HYDIN: variants seen among roughly 807,000 people sequenced by gnomAD.
HYDIN encodes HYDIN axonemal central pair apparatus protein.
Under a neutral mutation model 403.9 loss-of-function variants are expected in HYDIN, and 132 were observed. The observed-to-expected ratio is 0.33, with a 90% CI of 0.28 to 0.38. The LOEUF (loss-of-function observed/expected upper bound fraction) is 0.38, where lower values mean the gene tolerates loss of function less well. HYDIN is among the 10% of genes least tolerant of loss of function. The pLI is 1.00. For synonymous variants in HYDIN, 1,202 were observed against 1,891.7 expected, an observed-to-expected ratio of 0.64 and a Z score of 9.46; for missense variants, 2,827 against 5,009.5, an observed-to-expected ratio of 0.56 and a Z score of 13.15.
rs78028641 is a variant in HYDIN, at chr16:71,182,092, C to G, written c.261+2773G>C. On this transcript the variant is annotated intron_variant, in intron 3 of 85. Transcript: ENST00000393567. ...TGCAAAGTCCTTCAGGTGGAAATTACCTTTGAGTGTCTGAAGAGCAGCATA... is the reference window on the plus strand; with the variant it reads ...TGCAAAGTCCTTCAGGTGGAAATTAGCTTTGAGTGTCTGAAGAGCAGCATA... Among the ~76,000 whole-genome samples the G allele has an allele frequency of 8.5e-3, 1,287 of 152,142 alleles. 17 individuals carry two copies. The highest frequency in any genetic ancestry group is 0.029 in the African/African-American group (1,222 of 41,500).
intron 12 of HYDIN, chr16:71,087,890 T>C (rs1261864950): frequency 1.3e-5 from 2 of 155,852 alleles, no homozygotes; most frequent in Admixed American, 6.4e-5. Flanking sequence ...AGTGAGATCA[T>C]GTAAGTAATT....
chr16:71,070,940 A>T (rs549377654), intron 13 of HYDIN, among the ~76,000 whole-genome samples: 58 of 151,716 alleles, frequency 3.8e-4, no homozygotes, highest in African/African-American at 1.4e-3. Context: ...TACTTGGAAG[A>T]TATCTTTCAT....
chr16:70,956,202 T>C (rs540351301), intron 39 of HYDIN, among the ~76,000 whole-genome samples: 9 of 152,020 alleles, frequency 5.9e-5, no homozygotes, highest in African/African-American at 2.2e-4. Flanking sequence ...GAAAACTTTT[T>C]ATTTTAAAGA....
intron 77 of HYDIN, among the ~76,000 whole-genome samples, chr16:70,836,421 T>C (rs1258578364): frequency 3.3e-5 from 5 of 151,940 alleles, no homozygotes; most frequent in Non-Finnish European, 7.4e-5. Context: ...AAGTATGGAG[T>C]GTTTGTGAGA....
chr16:71,030,431 CTTTCTT>C (rs2080865874), intron 19 of HYDIN, among the ~76,000 whole-genome samples: 2 of 138,622 alleles, frequency 1.4e-5, no homozygotes, highest in Non-Finnish European at 1.7e-5. Context: ...TTCTTCTTTT[CTTTCTT>C]TTTTTTTTTT....
intron 1 of HYDIN, among the ~76,000 whole-genome samples, chr16:71,190,368 A>G (rs949754326): frequency 2.0e-5 from 3 of 152,108 alleles, no homozygotes; most frequent in Admixed American, 2.0e-4. Context: ...AGTCGGCAAT[A>G]GATCCGTTCT....
chr16:70,957,428 A>G (rs1414634759), intron 39 of HYDIN, among the ~76,000 whole-genome samples: 2 of 151,596 alleles, frequency 1.3e-5, no homozygotes, highest in Non-Finnish European at 2.9e-5. Context: ...CCGGGTTCAA[A>G]TGATTCTCCT....
At position 70,920,651 on chromosome 16, in the gene HYDIN, G is replaced by C; in HGVS notation, c.7725C>G (p.Asp2575Glu). 6.2e-7 allele frequency: 1 copy of C among 1,613,972 alleles called. No individual in the cohort carries two copies. Among genetic ancestry groups the C allele is most frequent in the Non-Finnish European group, 8.5e-7 (1 of 1,179,966 alleles). Residue 2575 changes from aspartate to glutamate, a missense_variant, in exon 46 of 86, where the codon GAC (aspartate) becomes GAG (glutamate). Transcript: ENST00000393567. ...CCTGCTTCCAGCTCAAGCCTTCAAAGTCTGGTGTCTGGATGTCTAGGAAGG... is the reference window on the plus strand; with the variant it reads ...CCTGCTTCCAGCTCAAGCCTTCAAACTCTGGTGTCTGGATGTCTAGGAAGG... ...GVPFLDIQTPDFEGLSWKQAL... is the reference protein window; with the variant it reads ...GVPFLDIQTPEFEGLSWKQAL...
chr16:71,003,406 T>C (rs909650861), intron 23 of HYDIN, among the ~76,000 whole-genome samples: 2 of 152,324 alleles, frequency 1.3e-5, no homozygotes, highest in African/African-American at 4.8e-5. Context: ...AAAATTATCA[T>C]TTATCCATAA....
intron 83 of HYDIN, among the ~76,000 whole-genome samples, chr16:70,822,881 G>A (rs1234985900): frequency 6.9e-6 from 1 of 145,438 alleles, no homozygotes; most frequent in East Asian, 2.0e-4. Context: ...ATAGACTACA[G>A]TACAATGTAA....
intron 9 of HYDIN, among the ~76,000 whole-genome samples, chr16:71,122,672 T>G (rs2144492514): frequency 7.0e-6 from 1 of 142,540 alleles, no homozygotes; most frequent in East Asian, 2.1e-4. Context: ...AAATTTGAGC[T>G]GTGCTCTCAA....
At chr16:70,863,014 T>C (rs1217349513) in intron 68 of HYDIN, 71 bp downstream of exon 68, 1 of 1,237,364 alleles carries the variant, frequency 8.1e-7, no homozygotes. Context: ...AGTGCTGGCC[T>C]CTCCATGAAC....
intron 30 of HYDIN, among the ~76,000 whole-genome samples, chr16:70,978,268 C>T (rs1393083779): frequency 1.3e-5 from 2 of 151,032 alleles, no homozygotes; most frequent in South Asian, 2.1e-4. Flanking sequence ...TTGACCATTC[C>T]ACTTCTGGAA....
At position 71,156,417 on chromosome 16, in the gene HYDIN, A is replaced by G. The variant is rs1285325756; in HGVS notation, c.717-3634T>C. 2.0e-5 allele frequency among the ~76,000 whole-genome samples: 3 copies of G among 152,154 alleles called. No homozygotes were observed. The East Asian group carries it at 5.8e-4, about 29-fold the overall frequency. The stretch of plus-strand genomic sequence containing the variant: ...TGTACTTCATTTTACTAAAATGCAG[A>G]CAGGCTGAACGGGCTAGAAAATATC... On this transcript the variant is annotated intron_variant, in intron 6 of 85. Transcript: ENST00000393567.
chr16:71,110,283 T>A (rs889872138), intron 10 of HYDIN, among the ~76,000 whole-genome samples: 1 of 144,764 alleles, frequency 6.9e-6, no homozygotes, highest in Non-Finnish European at 1.5e-5. Context: ...ACATAATATA[T>A]AATAGATATA....
chr16:71,046,559 G>C (rs998603937), intron 18 of HYDIN, among the ~76,000 whole-genome samples: 11 of 152,060 alleles, frequency 7.2e-5, no homozygotes, highest in Non-Finnish European at 1.2e-4. Context: ...GACATTAAAA[G>C]AAGACATACT....
At chr16:71,144,971 T>C (rs113619128) in intron 7 of HYDIN, among the ~76,000 whole-genome samples, 33 of 152,250 alleles carry the variant, frequency 2.2e-4, no homozygotes, top group African/African-American at 7.5e-4. Flanking sequence ...CGGATGCTTA[T>C]TTAATGAAAT....
At chr16:71,174,745 T>C (rs539736749) in intron 5 of HYDIN, among the ~76,000 whole-genome samples, 3 of 152,286 alleles carry the variant, frequency 2.0e-5, no homozygotes, top group Admixed American at 2.0e-4. Context: ...TCCCCACCAC[T>C]GCAGTGGTAC....
intron 18 of HYDIN, among the ~76,000 whole-genome samples, chr16:71,052,822 G>A (rs895022089): frequency 6.9e-6 from 1 of 145,120 alleles, no homozygotes; most frequent in Non-Finnish European, 1.5e-5. Context: ...CTGCATTCCA[G>A]CCTGGGTGAC....
Sources: gnomAD v4.1 joint callset for allele counts (sites outside exome capture counted in the v4.1 genomes callset) on GRCh38, gnomAD v4.1.1 for gene constraint, MANE v1.5 for transcripts, NCBI Gene and HGNC (gene_info 2026-07-23, HGNC 2026-07-21) for gene names.